Variants in ANKFN1 observed in about 807,000 individuals in gnomAD.
The protein encoded by ANKFN1 is ankyrin repeat and fibronectin type-III domain-containing protein 1.
Under a neutral mutation model 108.7 loss-of-function variants are expected in ANKFN1, and 74 were observed. That is an observed-to-expected ratio of 0.68 (90% CI 0.56 to 0.83). The LOEUF (loss-of-function observed/expected upper bound fraction) is 0.83, where lower values mean the gene tolerates loss of function less well. Ranked by LOEUF, ANKFN1 falls within the 40% of genes least tolerant of loss-of-function variation. ANKFN1 has a pLI of 0.00. For missense variants in ANKFN1, 1,505 were observed against 1,382.3 expected (o/e 1.09, Z -1.41); for synonymous variants, 547 against 516.2 (o/e 1.06, Z -0.81).
chr17:56,186,308 A>G (rs1358531013), intron 1 of ANKFN1, among the ~76,000 whole-genome samples: 1 of 151,636 alleles, frequency 6.6e-6, no homozygotes, highest in Non-Finnish European at 1.5e-5. Context: ...GCATATAAAA[A>G]TAATAATTCC....
At chr17:56,126,120 C>T (rs1906913108) in intron 4 of ANKFN1, among the ~76,000 whole-genome samples, 1 of 152,214 alleles carries the variant, frequency 6.6e-6, no homozygotes, top group African/African-American at 2.4e-5. Context: ...TGCAAAGTCA[C>T]ACTTTGGAGA....
At chr17:56,144,783 A>G (rs1908153599) in intron 4 of ANKFN1, among the ~76,000 whole-genome samples, 1 of 152,208 alleles carries the variant, frequency 6.6e-6, no homozygotes, top group Non-Finnish European at 1.5e-5. Flanking sequence ...GCCGAGGAGC[A>G]TTGGAGCAGA....
intron 4 of ANKFN1, among the ~76,000 whole-genome samples, chr17:56,128,868 T>G (rs1907097630): frequency 6.6e-6 from 1 of 152,202 alleles, no homozygotes; most frequent in African/African-American, 2.4e-5. Context: ...ATTGATGGAT[T>G]TGGATAGACT....
intron 4 of ANKFN1, among the ~76,000 whole-genome samples, chr17:56,092,366 C>A (rs960694697): frequency 6.7e-6 from 1 of 149,008 alleles, no homozygotes; most frequent in African/African-American, 2.5e-5. Context: ...GCTCTGCCTC[C>A]CGGGTTCAGG....
At chr17:56,103,300 G>T (rs1311485650) in intron 4 of ANKFN1, among the ~76,000 whole-genome samples, 1 of 152,226 alleles carries the variant, frequency 6.6e-6, no homozygotes, top group African/African-American at 2.4e-5. Flanking sequence ...GCAGAGCTGA[G>T]CAGGATCAAA....
Position 56,512,757 on chromosome 17 carries a change from T to G in ANKFN1, c.*1488T>G, listed in dbSNP as rs553649169. Among the ~76,000 whole-genome samples, 1 of 152,262 alleles carries G rather than the reference T, an allele frequency of 6.6e-6. No individual in the cohort carries two copies. Among genetic ancestry groups the G allele is most frequent in the African/African-American group, 2.4e-5 (1 of 41,472 alleles). On this transcript the variant is annotated 3_prime_UTR_variant, in exon 21 of 21. Coordinates refer to ENST00000682825, the MANE Select transcript of ANKFN1 (RefSeq NM_001370326.1). ...AAGTCCCCTGTTCACAATGTTATTC[T>G]GATCCCTTCCATTTTAAAAACATTT...
In ANKFN1 at chr17:56,401,719, T is replaced by C. The variant is rs2047772397; in HGVS notation, c.910+27005T>C. ...TCTGGCTAGGATTGGTACCAATTCTTCTTTGAATGTTGAAGAGGAGTGGTG... is the reference window on the plus strand; with the variant it reads ...TCTGGCTAGGATTGGTACCAATTCTCCTTTGAATGTTGAAGAGGAGTGGTG... On this transcript the variant is annotated intron_variant, in intron 8 of 20. Transcript: ENST00000682825. Among the ~76,000 whole-genome samples the C allele has an allele frequency of 2.0e-5, 3 of 151,804 alleles. No individual in the cohort carries two copies. In the South Asian group the frequency reaches 6.2e-4, roughly 31 times the overall value.
chr17:56,315,013 G>A (rs190906980), intron 3 of ANKFN1, among the ~76,000 whole-genome samples: 98 of 152,256 alleles, frequency 6.4e-4, no homozygotes, highest in African/African-American at 2.1e-3. Context: ...TGCCGAGCTC[G>A]AAATAAGCCC....
At chr17:56,072,002 C>T (rs1905126157) in intron 4 of ANKFN1, among the ~76,000 whole-genome samples, 1 of 152,232 alleles carries the variant, frequency 6.6e-6, no homozygotes, top group Admixed American at 6.5e-5. Flanking sequence ...GTTGTTCAGA[C>T]TCCAGGCAGC....
At chr17:56,283,554 A>C (rs2044141865) in intron 3 of ANKFN1, among the ~76,000 whole-genome samples, 1 of 143,604 alleles carries the variant, frequency 7.0e-6, no homozygotes, top group East Asian at 1.9e-4. Flanking sequence ...AATACTACTC[A>C]GCCATAAAAA....
chr17:56,399,425 G>C (rs1000618458), intron 8 of ANKFN1, among the ~76,000 whole-genome samples: 33 of 151,868 alleles, frequency 2.2e-4, no homozygotes, highest in Middle Eastern at 3.4e-3. Context: ...ATGGACACAG[G>C]CTCATTTTTT....
chr17:56,182,233 G>T (rs1464927719), intron 1 of ANKFN1, among the ~76,000 whole-genome samples: 1 of 152,168 alleles, frequency 6.6e-6, no homozygotes, highest in Non-Finnish European at 1.5e-5. Context: ...TCAAAAGCTA[G>T]AAGTGATTCA....
chr17:56,359,937 C>T (rs187526587), intron 6 of ANKFN1, among the ~76,000 whole-genome samples: 7 of 152,248 alleles, frequency 4.6e-5, no homozygotes, highest in African/African-American at 9.6e-5. Context: ...AAATCTGACT[C>T]GTTGCTGAGA....
chr17:56,359,547 G>C (rs1338146385), intron 6 of ANKFN1, among the ~76,000 whole-genome samples: 2 of 151,986 alleles, frequency 1.3e-5, no homozygotes, highest in Non-Finnish European at 2.9e-5. Flanking sequence ...CTTTCTCTCA[G>C]ATGCTGCCTG....
At chr17:56,178,274 A>G (rs1383081860) in intron 1 of ANKFN1, among the ~76,000 whole-genome samples, 4 of 152,346 alleles carry the variant, frequency 2.6e-5, no homozygotes, top group South Asian at 4.1e-4. Context: ...GAGAATCATA[A>G]GAACTGCTTC....
chr17:56,369,591 A>T (rs1188580068), intron 6 of ANKFN1, among the ~76,000 whole-genome samples: 3 of 152,156 alleles, frequency 2.0e-5, no homozygotes, highest in Non-Finnish European at 2.9e-5. Context: ...ATATTAACCC[A>T]GTTTGTTAGG....
chr17:56,395,381 G>A (rs2047550885), intron 8 of ANKFN1, among the ~76,000 whole-genome samples: 1 of 152,154 alleles, frequency 6.6e-6, no homozygotes, highest in African/African-American at 2.4e-5. Context: ...GGAGGCACTG[G>A]CTGTACCCAA....
chr17:56,435,634 A>T (rs113422489), intron 8 of ANKFN1, among the ~76,000 whole-genome samples: 7 of 152,326 alleles, frequency 4.6e-5, no homozygotes, highest in African/African-American at 1.7e-4. Context: ...AAGACGAAGG[A>T]ATGTAACTTT....
intron 18 of ANKFN1, among the ~76,000 whole-genome samples, chr17:56,486,066 T>G (rs571891852): frequency 8.5e-5 from 13 of 152,364 alleles, no homozygotes; most frequent in African/African-American, 2.6e-4. Flanking sequence ...CTGTCCTTTT[T>G]ACCTGTTTTA....
Sources: gnomAD v4.1 joint callset for allele counts (sites outside exome capture counted in the v4.1 genomes callset) on GRCh38, gnomAD v4.1.1 for gene constraint, MANE v1.5 for transcripts, NCBI Gene and HGNC (gene_info 2026-07-23, HGNC 2026-07-21) for gene names.